Variants in SNED1 observed in about 807,000 individuals in gnomAD.
SNED1 encodes sushi, nidogen and EGF-like domain-containing protein 1.
SNED1 carries 81 observed loss-of-function variants against 166.7 expected under a neutral mutation model. That is an observed-to-expected ratio of 0.49 (90% confidence interval 0.41 to 0.58). The LOEUF (loss-of-function observed/expected upper bound fraction) is 0.58, where lower values mean the gene tolerates loss of function less well. SNED1 is among the 20% of genes least tolerant of loss of function. SNED1 has a pLI of 0.00. For missense variants in SNED1, 1,604 were observed against 2,000.2 expected (o/e 0.80, Z 3.78); for synonymous variants, 762 against 822.0 (o/e 0.93, Z 1.25).
Position 241,048,690 on chromosome 2 carries a change from C to T in SNED1, c.1428C>T (p.Asn476=), listed in dbSNP as rs368791923. Residue 476 remains asparagine, a synonymous_variant, in exon 10 of 32, where the codon AAC becomes AAT. Transcript: ENST00000310397. ...ERVPDDCECR[N]GGRCLGANTT... is the part of the protein sequence containing the mutation. ...TCCCCGATGACTGTGAGTGCCGCAACGGAGGCAGATGCCTGGGCGCCAACA... is the reference window on the plus strand; with the variant it reads ...TCCCCGATGACTGTGAGTGCCGCAATGGAGGCAGATGCCTGGGCGCCAACA... 5.0e-6 allele frequency: 8 copies of T among 1,612,140 alleles called. No individual in the cohort carries two copies. Among genetic ancestry groups the T allele is most frequent in the Admixed American group, 1.7e-5 (1 of 59,800 alleles).
chr2:240,998,359 C>G (rs1257791678), upstream of SNED1, among the ~76,000 whole-genome samples: 2 of 152,342 alleles, frequency 1.3e-5, no homozygotes, highest in Admixed American at 1.3e-4. Context: ...CTTAGGGACA[C>G]AGGTCTGTCC....
intron 16 of SNED1, among the ~76,000 whole-genome samples, chr2:241,053,559 G>A (rs1228565011): frequency 6.6e-6 from 1 of 152,234 alleles, no homozygotes; most frequent in Non-Finnish European, 1.5e-5. Context: ...CATCCTCAGA[G>A]CAGCCCGGAG....
chr2:241,002,824 C>T (rs949852668), intron 1 of SNED1, among the ~76,000 whole-genome samples: 12 of 152,078 alleles, frequency 7.9e-5, no homozygotes, highest in Admixed American at 2.0e-4. Context: ...TCCTCCCTGG[C>T]GCCCACCCAT....
At chr2:241,087,643 C>T in intron 30 of SNED1, 168 bp downstream of exon 30, 2 of 1,429,084 alleles carry the variant, frequency 1.4e-6, no homozygotes. Flanking sequence ...AACTGTATGT[C>T]CATATATGTG....
At chr2:241,036,980 G>A (rs1436462640) in intron 5 of SNED1, 65 bp downstream of exon 5, 15 of 1,541,934 alleles carry the variant, frequency 9.7e-6, no homozygotes, top group African/African-American at 1.4e-5. Flanking sequence ...AGCACTGTAG[G>A]CTCCGCCAGT....
chr2:241,090,157 A>G, intron 31 of SNED1: 5 of 1,461,884 alleles, frequency 3.4e-6, no homozygotes, highest in Non-Finnish European at 4.5e-6. Context: ...CACTGTACGG[A>G]TGTTCAAAAT....
At chr2:241,086,425 C>T (rs1469634470) in intron 29 of SNED1, among the ~76,000 whole-genome samples, 1 of 152,200 alleles carries the variant, frequency 6.6e-6, no homozygotes, top group Non-Finnish European at 1.5e-5. Context: ...GTTTCCTCAA[C>T]TCAGTGTGAC....
intron 1 of SNED1, among the ~76,000 whole-genome samples, chr2:241,025,058 G>T (rs1395774871): frequency 6.6e-6 from 1 of 152,170 alleles, no homozygotes; most frequent in African/African-American, 2.4e-5. Context: ...GGGGTCCCCA[G>T]TCCCTGGGGC....
In SNED1 at chr2:241,036,881, C is replaced by T. The variant is rs771009485; in HGVS notation, c.897C>T (p.Cys299=). 4 of 1,611,774 alleles carry T rather than the reference C, an allele frequency of 2.5e-6. No homozygotes were observed. Among genetic ancestry groups the T allele is most frequent in the Non-Finnish European group, 8.5e-7 (1 of 1,179,628 alleles). ...GCAACCCCTCCTACACCTGCTCCTG[C>T]CTCTCGGGCTTCACGGGGCGGAGGT... ...VTGNPSYTCS[C]LSGFTGRRCH... Residue 299 remains cysteine, a synonymous_variant, in exon 5 of 32, where the codon TGC becomes TGT. Transcript: ENST00000310397.
intron 8 of SNED1, 21 bp downstream of exon 8, chr2:241,040,434 A>G (rs758349994): frequency 2.0e-6 from 3 of 1,486,536 alleles, no homozygotes; most frequent in African/African-American, 1.4e-5. Context: ...AAGTGCCTGC[A>G]GGCCACCATG....
chr2:241,060,615 C>T (rs938184464), intron 16 of SNED1, among the ~76,000 whole-genome samples: 6 of 150,494 alleles, frequency 4.0e-5, no homozygotes, highest in Admixed American at 4.0e-4. Context: ...GAATTAAATC[C>T]AGGTGGATTA....
rs1238498755 is a variant in SNED1 at position 241,052,058 on chromosome 2, G to A, written c.1870G>A (p.Ala624Thr). 6.2e-7 allele frequency: 1 copy of A among 1,613,856 alleles called. No homozygotes were observed. The highest frequency in any genetic ancestry group is 2.2e-5 in the East Asian group (1 of 44,870). The change falls in exon 14 of 32, where the codon GCC (alanine) becomes ACC (threonine). Residue 624 changes from alanine to threonine, a missense_variant. Ala to Thr is a moderately conservative substitution (Grantham distance 58). This residue lies in a region of SNED1 where 1,237 missense variants were observed against 1,620.8 expected (regional missense o/e 0.76). Transcript: ENST00000310397. ...HCEIGKPDSCASGPCHNGGTC... is the reference protein window; with the variant it reads ...HCEIGKPDSCTSGPCHNGGTC... ...GTTTCCAGGGAAGCCAGACTCGTGTGCCTCTGGCCCCTGTCACAACGGCGG... is the reference window on the plus strand; with the variant it reads ...GTTTCCAGGGAAGCCAGACTCGTGTACCTCTGGCCCCTGTCACAACGGCGG...
chr2:241,051,673 A>T lies in SNED1; in HGVS notation c.1736-71A>T. The T allele has an allele frequency of 8.2e-7, 1 of 1,225,658 alleles. No individual in the cohort carries two copies. The highest frequency in any genetic ancestry group is 1.1e-6 in the Non-Finnish European group (1 of 905,158). 75.9% of individuals were successfully genotyped at this position (1,225,658 alleles called of 1,614,324 possible). ...AGCACCAGAGGACTGAGGAGATGCC[A>T]GGAGGGTATAGTGGCTCTGTGGGGC... On this transcript the variant is annotated intron_variant, in intron 12 of 31. Coordinates refer to ENST00000310397, the MANE Select transcript of SNED1 (RefSeq NM_001080437.3). The surrounding 1 kb of genome is among the most constrained non-coding windows in gnomAD (Gnocchi z 4.7).
chr2:241,057,390 T>A (rs1051662672), intron 16 of SNED1, among the ~76,000 whole-genome samples: 59 of 135,326 alleles, frequency 4.4e-4, no homozygotes, highest in African/African-American at 1.7e-3. Flanking sequence ...AATATATATA[T>A]ATATATATAT....
chr2:241,092,280 G>A lies in SNED1; in HGVS notation c.*644G>A, dbSNP rs1381895596. The A allele has an allele frequency of 1.3e-5, 2 of 152,296 alleles. No individual in the cohort carries two copies. The highest frequency in any genetic ancestry group is 3.4e-3 in the Middle Eastern group (1 of 296). The allele number at this position is 152,296 out of a possible 1,614,324, so 9.4% of individuals were successfully genotyped here. ...TTCAGACTTTTTTAGACAACGGCGC[G>A]ACTGGCAGCCTTTCTCTATCAAGGG... On this transcript the variant is annotated 3_prime_UTR_variant, in exon 32 of 32. Transcript: ENST00000310397. This position sits in a 1 kb window ranked among gnomAD's most constrained non-coding sequence, Gnocchi z 4.6.
Position 241,091,821 on chromosome 2 carries a change from C to T in SNED1, c.*185C>T, listed in dbSNP as rs75930097. 3,758 of 152,662 alleles carry T rather than the reference C, an allele frequency of 0.025. 150 individuals are homozygous for T. The highest frequency in any genetic ancestry group is 0.084 in the African/African-American group (3,473 of 41,542). 9.5% of individuals were successfully genotyped at this position (152,662 alleles called of 1,614,324 possible). On this transcript the variant is annotated 3_prime_UTR_variant, in exon 32 of 32. Transcript: ENST00000310397. This position sits in a 1 kb window ranked among gnomAD's most constrained non-coding sequence, Gnocchi z 4.1. ...ATGGCCAGGCCTGTGCACACACCAG[C>T]CCACCCTGAGAGACCCCTCTGGGAC...
chr2:241,069,003 C>T lies in SNED1; in HGVS notation c.3287C>T (p.Ala1096Val), dbSNP rs1313090918. 10 of 1,552,320 alleles carry T rather than the reference C, an allele frequency of 6.4e-6. No homozygotes were observed. Among genetic ancestry groups the T allele is most frequent in the Admixed American group, 3.9e-5 (2 of 51,176 alleles). ...CACCCCACAGAGAGCCTGGCCACCG[C>T]GCCGACGCACGTGTGGACCCGTGAG... The part of the protein sequence containing the change: ...EEHPTESLAT[A>V]PTHVWTRPLP... Residue 1096 changes from alanine (A) to valine (V), a missense_variant, in exon 23 of 32, where the codon GCG becomes GTG. Physicochemically the swap from Ala to Val is moderately conservative, Grantham distance 64. This residue lies in a region of SNED1 where 1,237 missense variants were observed against 1,620.8 expected (regional missense o/e 0.76). Transcript: ENST00000310397. This position sits in a 1 kb window ranked among gnomAD's most constrained non-coding sequence, Gnocchi z 4.9.
chr2:241,072,002 AC>A, intron 26 of SNED1, 124 bp downstream of exon 26: 1 of 866,154 alleles, frequency 1.2e-6, no homozygotes. Flanking sequence ...CCAGCCAGTG[AC>A]CCCCACCCCG....
intron 24 of SNED1, among the ~76,000 whole-genome samples, chr2:241,070,641 G>T (rs1279616533): frequency 6.6e-6 from 1 of 152,224 alleles, no homozygotes; most frequent in Non-Finnish European, 1.5e-5. Flanking sequence ...GGAATGCTGG[G>T]GAGCAGAGGC....
Sources: gnomAD v4.1 joint callset for allele counts (sites outside exome capture counted in the v4.1 genomes callset) on GRCh38, gnomAD v4.1.1 for gene constraint, gnomAD v4.1.1 regional missense constraint, Gnocchi (gnomAD v3.1) non-coding constraint, MANE v1.5 for transcripts, NCBI Gene and HGNC (gene_info 2026-07-23, HGNC 2026-07-21) for gene names.